Variants in KLF15 observed in about 807,000 individuals in gnomAD.
The protein encoded by KLF15 is Krueppel-like factor 15.
A neutral mutation model predicts 24.6 loss-of-function variants in KLF15; 4 were observed. That is an observed-to-expected ratio of 0.16 (90% CI 0.08 to 0.37). The LOEUF (loss-of-function observed/expected upper bound fraction) is 0.37. Among genes scored for constraint, KLF15 ranks in the 10% least tolerant of loss-of-function variants. The pLI, the probability that KLF15 is intolerant of heterozygous loss-of-function variation, is 1.00. For synonymous variants in KLF15, 246 were observed against 236.3 expected (o/e 1.04, Z -0.37); for missense variants, 496 against 560.6 (o/e 0.88, Z 1.16).
the KLF15 span, among the ~76,000 whole-genome samples, chr3:126,312,344 T>C: frequency 2.6e-5 from 4 of 152,154 alleles, no homozygotes; most frequent in Non-Finnish European, 4.4e-5. Context: ...CTGTTAATTT[T>C]TTGTCTTTTT....
chr3:126,322,187 G>T, the KLF15 span, among the ~76,000 whole-genome samples: 2 of 152,144 alleles, frequency 1.3e-5, no homozygotes, highest in African/African-American at 4.8e-5. Flanking sequence ...CTTCTACCTG[G>T]ATAAATTTCT....
the KLF15 span, among the ~76,000 whole-genome samples, chr3:126,314,661 C>T: frequency 2.6e-5 from 4 of 152,198 alleles, no homozygotes; most frequent in African/African-American, 4.8e-5. Flanking sequence ...CAGCTGCACA[C>T]AGCACAGCTC....
At chr3:126,295,500 G>T in the KLF15 span, among the ~76,000 whole-genome samples, 1 of 152,184 alleles carries the variant, frequency 6.6e-6, no homozygotes, top group African/African-American at 2.4e-5. Context: ...AGGATACAAA[G>T]TATGGCACTG....
the KLF15 span, among the ~76,000 whole-genome samples, chr3:126,320,787 C>A: frequency 6.6e-6 from 1 of 151,794 alleles, no homozygotes. Flanking sequence ...CAGCTGGAAG[C>A]AGAGTTCAGA....
At chr3:126,324,729 C>T in the KLF15 span, among the ~76,000 whole-genome samples, 181 of 137,422 alleles carry the variant, frequency 1.3e-3, no homozygotes, top group African/African-American at 4.8e-3. Flanking sequence ...ATATCATGTC[C>T]ATCTGTCCTT....
chr3:126,316,498 GACT>G, the KLF15 span, among the ~76,000 whole-genome samples: 1 of 149,262 alleles, frequency 6.7e-6, no homozygotes, highest in African/African-American at 2.5e-5. Flanking sequence ...GCCGGAGTGG[GACT>G]GGGAGTGCAT....
At chr3:126,309,963 A>G in the KLF15 span, among the ~76,000 whole-genome samples, 1 of 152,232 alleles carries the variant, frequency 6.6e-6, no homozygotes, top group Non-Finnish European at 1.5e-5. Flanking sequence ...TCCCGCAAAA[A>G]TGGAACACCA....
the KLF15 span, among the ~76,000 whole-genome samples, chr3:126,321,428 G>C: frequency 6.6e-6 from 1 of 152,242 alleles, no homozygotes; most frequent in South Asian, 2.1e-4. Context: ...TGTGGCTCCT[G>C]CTCCAGGCAG....
At chr3:126,327,565 G>A in the KLF15 span, among the ~76,000 whole-genome samples, 1 of 152,088 alleles carries the variant, frequency 6.6e-6, no homozygotes, top group Non-Finnish European at 1.5e-5. Context: ...AAGACACTTA[G>A]GATTTTGACC....
chr3:126,306,411 T>C, the KLF15 span, among the ~76,000 whole-genome samples: 14 of 152,164 alleles, frequency 9.2e-5, no homozygotes, highest in Non-Finnish European at 1.3e-4. Context: ...TAAGATTATT[T>C]ACTCTAAGAA....
the KLF15 span, among the ~76,000 whole-genome samples, chr3:126,305,105 G>A: frequency 6.6e-6 from 1 of 152,216 alleles, no homozygotes; most frequent in African/African-American, 2.4e-5. Flanking sequence ...CTGGAGCCAC[G>A]TGTGATGGCT....
the KLF15 span, among the ~76,000 whole-genome samples, chr3:126,323,777 G>A: frequency 7.1e-6 from 1 of 141,142 alleles, no homozygotes; most frequent in African/African-American, 2.7e-5. Context: ...TAAACTGTAA[G>A]TCACGCCTGA....
the KLF15 span, among the ~76,000 whole-genome samples, chr3:126,288,657 G>A: frequency 6.6e-6 from 1 of 152,198 alleles, no homozygotes; most frequent in Non-Finnish European, 1.5e-5. Context: ...AGTTGGCTGC[G>A]CCAACAGGAC....
At chr3:126,347,708 G>C (rs1189917123) in intron 2 of KLF15, among the ~76,000 whole-genome samples, 1 of 152,200 alleles carries the variant, frequency 6.6e-6, no homozygotes. Context: ...ATCAGAACAG[G>C]GAAAGCCTGC....
the KLF15 span, among the ~76,000 whole-genome samples, chr3:126,326,582 G>A: frequency 2.0e-5 from 3 of 152,224 alleles, no homozygotes; most frequent in Non-Finnish European, 4.4e-5. Context: ...GGCAGAACCT[G>A]CCCTCATGGA....
At chr3:126,349,223 G>A (rs896967042) in intron 2 of KLF15, among the ~76,000 whole-genome samples, 2 of 152,140 alleles carry the variant, frequency 1.3e-5, no homozygotes, top group Non-Finnish European at 2.9e-5. Flanking sequence ...CCTAGAGGCC[G>A]GTGTCCTCAG....
the KLF15 span, among the ~76,000 whole-genome samples, chr3:126,312,852 C>T: frequency 3.3e-5 from 5 of 152,176 alleles, no homozygotes; most frequent in African/African-American, 1.2e-4. Context: ...CCTCGCCTAG[C>T]TTCTGCTGGT....
At chr3:126,324,649 G>C in the KLF15 span, among the ~76,000 whole-genome samples, 1 of 142,992 alleles carries the variant, frequency 7.0e-6, no homozygotes, top group African/African-American at 2.6e-5. Context: ...TCACTTTCAA[G>C]TTATGCATTC....
chr3:126,315,345 C>T, the KLF15 span, among the ~76,000 whole-genome samples: 378 of 152,288 alleles, frequency 2.5e-3, 4 homozygotes, highest in African/African-American at 8.9e-3. Flanking sequence ...GAACATATCT[C>T]TTCTTGGTGG....
Sources: gnomAD v4.1 joint callset for allele counts (sites outside exome capture counted in the v4.1 genomes callset) on GRCh38, gnomAD v4.1.1 for gene constraint, MANE v1.5 for transcripts, NCBI Gene and HGNC (gene_info 2026-07-23, HGNC 2026-07-21) for gene names.